SCO1: variants seen among roughly 807,000 people sequenced by gnomAD.
The protein encoded by SCO1 is cytochrome c oxidase assembly factor SCO1.
A neutral mutation model predicts 34.0 loss-of-function variants in SCO1; 23 were observed. The observed-to-expected ratio is 0.68, with a 90% CI of 0.49 to 0.96. The LOEUF is 0.96. Ranked by LOEUF, SCO1 falls within the 40% of genes least tolerant of loss-of-function variation. The pLI is 0.00. For synonymous variants in SCO1, 161 were observed against 145.5 expected (o/e 1.11, Z -0.77); for missense variants, 404 against 381.6 (o/e 1.06, Z -0.49).
At chr17:10,694,082 G>C (rs1460740516) in intron 2 of SCO1, among the ~76,000 whole-genome samples, 1 of 152,132 alleles carries the variant, frequency 6.6e-6, no homozygotes, top group African/African-American at 2.4e-5. Context: ...ATCAGTAATG[G>C]GACAACTGGT....
At position 10,674,533 on chromosome 17, in the gene SCO1, C is replaced by A. The variant is rs915094632; in HGVS notation, c.*6586G>T. 1 of 201,220 alleles carries A rather than the reference C, an allele frequency of 5.0e-6. No individual in the cohort carries two copies. The highest frequency in any genetic ancestry group is 2.4e-5 in the African/African-American group (1 of 41,828). 12.5% of individuals were successfully genotyped at this position (201,220 alleles called of 1,614,324 possible). On this transcript the variant is annotated 3_prime_UTR_variant, in exon 6 of 6. Transcript: ENST00000255390. ...AAGTACCCCAGTGGTGTGACACTGCCGGACCACAGACTACACTGAGTAGCA... is the reference window on the plus strand; with the variant it reads ...AAGTACCCCAGTGGTGTGACACTGCAGGACCACAGACTACACTGAGTAGCA...
intron 4 of SCO1, among the ~76,000 whole-genome samples, chr17:10,691,311 G>C (rs1405346236): frequency 6.6e-6 from 1 of 152,066 alleles, no homozygotes. Context: ...AGTAGAGACG[G>C]GGCTTCACCA....
chr17:10,681,392 C>T, intron 5 of SCO1, 139 bp from the exon 6 acceptor site: 1 of 951,536 alleles, frequency 1.1e-6, no homozygotes, highest in Non-Finnish European at 1.6e-6. Flanking sequence ...ATGGAATAGG[C>T]TTAAGTCTAT....
intron 5 of SCO1, among the ~76,000 whole-genome samples, chr17:10,683,227 A>T (rs927211535): frequency 1.6e-4 from 25 of 151,778 alleles, no homozygotes; most frequent in African/African-American, 5.8e-4. Context: ...ACTACCACTT[A>T]TTTTTTTTAT....
At chr17:10,693,172 T>C (rs544054118) in intron 2 of SCO1, among the ~76,000 whole-genome samples, 7 of 152,292 alleles carry the variant, frequency 4.6e-5, no homozygotes, top group Admixed American at 1.3e-4. Flanking sequence ...CTATGGTATG[T>C]TGTAAAAAAG....
chr17:10,693,011 A>T (rs755152337), intron 2 of SCO1, 50 bp from the exon 3 acceptor site: 2 of 1,536,358 alleles, frequency 1.3e-6, no homozygotes, highest in Non-Finnish European at 1.8e-6. Flanking sequence ...CAATTTAACC[A>T]GAGGTACTCA....
chr17:10,697,395 C>A lies in SCO1; in HGVS notation c.113G>T (p.Arg38Ile). 6.2e-7 allele frequency: 1 copy of A among 1,605,024 alleles called. No individual in the cohort carries two copies. The highest frequency in any genetic ancestry group is 1.1e-5 in the South Asian group (1 of 89,782). ...EFWGPAEGTA[R>I]VLLRQFCARQ... is the part of the protein sequence containing the mutation. ...CGCGCAGAACTGCCTCAGCAAGACT[C>A]TCGCAGTCCCCTCGGCTGGGCCCCA... is the stretch of plus-strand genomic sequence containing the variant. The change falls in exon 1 of 6, where the codon AGA (arginine) becomes ATA (isoleucine). Residue 38 changes from arginine (R) to isoleucine (I), a missense_variant. By Grantham distance (97) the Arg-to-Ile change is moderately conservative. Coordinates refer to ENST00000255390, the MANE Select transcript of SCO1 (RefSeq NM_004589.4).
rs2074692098 is a variant in SCO1, at chr17:10,691,885, T to C, written c.642A>G (p.Ala214=). Residue 214 remains alanine (A), a synonymous_variant, in exon 4 of 6, where the codon GCA becomes GCG. Coordinates refer to ENST00000255390, the MANE Select transcript of SCO1 (RefSeq NM_004589.4). ...TTAAAAAAATACCTTTCACATAATT[T>C]GCGATGGCTTCTTTTGTGTCCCTCT... ...DPERDTKEAI[A]NYVKEFSPKL... 2 of 1,608,196 alleles carry C rather than the reference T, an allele frequency of 1.2e-6. No homozygotes were observed. Among genetic ancestry groups the C allele is most frequent in the African/African-American group, 1.3e-5 (1 of 74,786 alleles).
intron 5 of SCO1, among the ~76,000 whole-genome samples, chr17:10,684,883 G>A (rs533548992): frequency 6.6e-6 from 1 of 152,366 alleles, no homozygotes; most frequent in South Asian, 2.1e-4. Context: ...GCAGCAAGAG[G>A]AAAACAGAGG....
chr17:10,690,325 A>C (rs12450580), intron 4 of SCO1, among the ~76,000 whole-genome samples: 3,787 of 152,318 alleles, frequency 0.025, 79 homozygotes, highest in Admixed American at 0.055. Context: ...TCCAGAATGT[A>C]CTCAATCATC....
At chr17:10,695,397 C>T (rs1567576604) in intron 2 of SCO1, among the ~76,000 whole-genome samples, 1 of 152,188 alleles carries the variant, frequency 6.6e-6, no homozygotes, top group Non-Finnish European at 1.5e-5. Flanking sequence ...TCAAATCTAT[C>T]CACAGTATAT....
chr17:10,686,046 C>T (rs896697420), intron 5 of SCO1, among the ~76,000 whole-genome samples: 3 of 152,084 alleles, frequency 2.0e-5, no homozygotes, highest in Admixed American at 6.5e-5. Context: ...CCCCTGGCCT[C>T]GCCTGGCCAA....
chr17:10,684,723 G>A (rs2074644469), intron 5 of SCO1, among the ~76,000 whole-genome samples: 1 of 152,190 alleles, frequency 6.6e-6, no homozygotes, highest in Admixed American at 6.5e-5. Context: ...TCAGACTGAT[G>A]AGCTCATCTA....
At position 10,672,799 on chromosome 17, in the gene SCO1, A is replaced by G. The variant is rs1159977976; in HGVS notation, c.*8320T>C. 1 of 152,180 alleles carries G rather than the reference A, an allele frequency of 6.6e-6. No homozygotes were observed. Among genetic ancestry groups the G allele is most frequent in the Non-Finnish European group, 1.5e-5 (1 of 68,022 alleles). The allele number at this position is 152,180 out of a possible 1,614,324, so 9.4% of individuals were successfully genotyped here. ...AATTTTCTTCCCCTGGATCTGAGTC[A>G]TTATTACATTGATTCTATTTATTAT... On this transcript the variant is annotated 3_prime_UTR_variant, in exon 6 of 6. Transcript: ENST00000255390.
rs569412946 is a variant in SCO1, at chr17:10,678,345, A to G, written c.*2774T>C. Reference sequence around the variant, plus strand: ...TTGTGCATAAACAGGAACATCTGGAAGACGTCACCTCTAAGGTCCCCTTCC... The same window carrying G: ...TTGTGCATAAACAGGAACATCTGGAGGACGTCACCTCTAAGGTCCCCTTCC... On this transcript the variant is annotated 3_prime_UTR_variant, in exon 6 of 6. Coordinates refer to ENST00000255390, the MANE Select transcript of SCO1 (RefSeq NM_004589.4). The G allele has an allele frequency of 6.6e-6, 1 of 152,306 alleles. No individual in the cohort carries two copies. Among genetic ancestry groups the G allele is most frequent in the Admixed American group, 6.5e-5 (1 of 15,296 alleles). 9.4% of individuals were successfully genotyped at this position (152,306 alleles called of 1,614,324 possible).
At chr17:10,687,771 C>T (rs999436180) in intron 4 of SCO1, among the ~76,000 whole-genome samples, 104 of 152,306 alleles carry the variant, frequency 6.8e-4, no homozygotes, top group African/African-American at 2.4e-3. Context: ...GTAATGACTA[C>T]ATCATCAATC....
At chr17:10,694,158 G>A (rs2074707905) in intron 2 of SCO1, among the ~76,000 whole-genome samples, 1 of 152,162 alleles carries the variant, frequency 6.6e-6, no homozygotes, top group Admixed American at 6.5e-5. Flanking sequence ...CCTGCCAAAG[G>A]TACACAACCC....
chr17:10,696,476 A>C (rs919982885), intron 1 of SCO1, among the ~76,000 whole-genome samples: 1 of 152,122 alleles, frequency 6.6e-6, no homozygotes, highest in African/African-American at 2.4e-5. Context: ...AAACACACAC[A>C]CAAAAAACAA....
At chr17:10,691,812 G>C in intron 4 of SCO1, 60 bp downstream of exon 4, 1 of 1,060,962 alleles carries the variant, frequency 9.4e-7, no homozygotes, top group Non-Finnish European at 1.5e-6. Context: ...AGGTTCAAAT[G>C]AACTGATATT....
Sources: allele counts gnomAD v4.1 joint callset (sites outside exome capture counted in the v4.1 genomes callset), GRCh38; gene constraint gnomAD v4.1.1; transcripts MANE v1.5; gene names NCBI Gene and HGNC (gene_info 2026-07-23, HGNC 2026-07-21).